The following ATRNL1 variants were observed in gnomAD, a reference collection of about 807,000 sequenced individuals.
The protein encoded by ATRNL1 is attractin-like protein 1.
Under a neutral mutation model 182.7 loss-of-function variants are expected in ATRNL1, and 95 were observed. The observed-to-expected ratio is 0.52, with a 90% CI of 0.44 to 0.62. The LOEUF is 0.62. Ranked by LOEUF, ATRNL1 falls within the 20% of genes least tolerant of loss-of-function variation. The pLI, the probability that ATRNL1 is intolerant of heterozygous loss-of-function variation, is 0.00. For synonymous variants in ATRNL1, 576 were observed against 568.3 expected (o/e 1.01, Z -0.19); for missense variants, 1,471 against 1,679.5 (o/e 0.88, Z 2.17).
At chr10:115,628,929 C>T (rs782484875) in intron 26 of ATRNL1, among the ~76,000 whole-genome samples, 2 of 152,118 alleles carry the variant, frequency 1.3e-5, no homozygotes, top group Non-Finnish European at 2.9e-5. Context: ...ATTGAATAGT[C>T]TTGGCCTTCA....
chr10:115,619,833 G>T (rs1857629500), intron 26 of ATRNL1, among the ~76,000 whole-genome samples: 1 of 152,116 alleles, frequency 6.6e-6, no homozygotes, highest in South Asian at 2.1e-4. Flanking sequence ...TATAAAAACT[G>T]GGATATTAGA....
intron 27 of ATRNL1, among the ~76,000 whole-genome samples, chr10:115,785,333 T>A (rs116232100): frequency 0.019 from 2,866 of 152,314 alleles, 103 homozygotes; most frequent in African/African-American, 0.066. Flanking sequence ...CTCATGATAT[T>A]CTATCTTGTG....
At chr10:115,446,425 A>G (rs1229755124) in intron 21 of ATRNL1, among the ~76,000 whole-genome samples, 2 of 151,706 alleles carry the variant, frequency 1.3e-5, no homozygotes, top group African/African-American at 4.8e-5. Flanking sequence ...CTTTGGTGTT[A>G]TTATCTCATC....
intron 21 of ATRNL1, among the ~76,000 whole-genome samples, chr10:115,442,312 T>C (rs703357): frequency 0.015 from 2,212 of 149,430 alleles, 62 homozygotes; most frequent in African/African-American, 0.051. Context: ...TCTGTGTGTA[T>C]GTGTGTGTGT....
intron 28 of ATRNL1, among the ~76,000 whole-genome samples, chr10:115,885,643 T>A (rs2134450929): frequency 6.6e-6 from 1 of 152,368 alleles, no homozygotes; most frequent in East Asian, 1.9e-4. Flanking sequence ...ATGTTAACTT[T>A]TTTCCGTATA....
intron 26 of ATRNL1, among the ~76,000 whole-genome samples, chr10:115,559,443 T>TGTGCGC (rs200694810): frequency 2.6e-4 from 20 of 77,860 alleles, no homozygotes; most frequent in Non-Finnish European, 4.8e-4. Flanking sequence ...TGTGTGTGTG[T>TGTGCGC]GCGCGCGCGC....
Position 115,769,649 on chromosome 10 carries a change from G to GT in ATRNL1, c.3903+42298dup, listed in dbSNP as rs140762641. 1.8e-4 allele frequency among the ~76,000 whole-genome samples: 28 copies of GT among 152,174 alleles called. 1 individual carries two copies. In the East Asian group the frequency reaches 5.4e-3, roughly 29 times the overall value. The stretch of plus-strand genomic sequence containing the variant: ...CTGACTTTGGAGTTATTCATGCCTG[G>GT]TTTTATATTCCAGATCTATCATCTG... On this transcript the variant is annotated intron_variant, in intron 27 of 28. Transcript: ENST00000355044.
chr10:115,435,763 A>G (rs1377299596), intron 21 of ATRNL1, among the ~76,000 whole-genome samples: 67 of 152,296 alleles, frequency 4.4e-4, no homozygotes, highest in East Asian at 1.9e-4. Flanking sequence ...TTTCCATCCT[A>G]ACACTTACAT....
chr10:115,434,233 A>G lies in ATRNL1; in HGVS notation c.3322+7931A>G, dbSNP rs117816079. Among the ~76,000 whole-genome samples, 455 of 152,298 alleles carry G rather than the reference A, an allele frequency of 3.0e-3. 2 individuals carry two copies. Among genetic ancestry groups the G allele is most frequent in the Middle Eastern group, 6.8e-3 (2 of 294 alleles). On this transcript the variant is annotated intron_variant, in intron 21 of 28. Coordinates refer to ENST00000355044, the MANE Select transcript of ATRNL1 (RefSeq NM_207303.4). The stretch of plus-strand genomic sequence containing the variant: ...AGCTCATTATTAGCATTTAGTAAAT[A>G]AAACATAGTTTTTCCCAAACTGGAA...
chr10:115,439,667 A>G (rs1009965718), intron 21 of ATRNL1, among the ~76,000 whole-genome samples: 1 of 151,884 alleles, frequency 6.6e-6, no homozygotes, highest in Non-Finnish European at 1.5e-5. Flanking sequence ...TGCTTAAACT[A>G]AGGATTTTCA....
intron 26 of ATRNL1, among the ~76,000 whole-genome samples, chr10:115,644,859 A>G (rs1412662940): frequency 6.6e-6 from 1 of 152,138 alleles, no homozygotes; most frequent in Non-Finnish European, 1.5e-5. Flanking sequence ...TGTATTTGTT[A>G]TACATGCTTA....
intron 19 of ATRNL1, among the ~76,000 whole-genome samples, chr10:115,371,435 G>A (rs1323738508): frequency 6.6e-6 from 1 of 152,246 alleles, no homozygotes; most frequent in Non-Finnish European, 1.5e-5. Flanking sequence ...GAGCAGAGCT[G>A]CTCAAGACCA....
chr10:115,447,277 G>T (rs1181471574), intron 21 of ATRNL1, among the ~76,000 whole-genome samples: 1 of 151,452 alleles, frequency 6.6e-6, no homozygotes, highest in Non-Finnish European at 1.5e-5. Flanking sequence ...TGCTCTATTT[G>T]CTTTGGATTT....
chr10:115,542,228 T>C (rs930526430), intron 25 of ATRNL1, among the ~76,000 whole-genome samples: 2 of 151,954 alleles, frequency 1.3e-5, no homozygotes, highest in African/African-American at 4.8e-5. Flanking sequence ...AATTTAAGAG[T>C]GACTAAAGAT....
intron 19 of ATRNL1, among the ~76,000 whole-genome samples, chr10:115,335,930 C>CAAAT: frequency 6.6e-6 from 1 of 152,064 alleles, no homozygotes; most frequent in Non-Finnish European, 1.5e-5. Flanking sequence ...TGTTGGGTGA[C>CAAAT]AAATAAAGAT....
chr10:115,631,765 T>C (rs1858528138), intron 26 of ATRNL1, among the ~76,000 whole-genome samples: 1 of 152,084 alleles, frequency 6.6e-6, no homozygotes, highest in Admixed American at 6.6e-5. Context: ...AAATCTAAGA[T>C]ACTGATACCT....
chr10:115,321,671 C>CTTTT (rs528619167), intron 18 of ATRNL1, among the ~76,000 whole-genome samples: 1 of 125,802 alleles, frequency 7.9e-6, no homozygotes, highest in Non-Finnish European at 1.6e-5. Context: ...AAGGTGAAAG[C>CTTTT]TTTTTTTTTT....
intron 8 of ATRNL1, among the ~76,000 whole-genome samples, chr10:115,194,450 C>A (rs1232123560): frequency 6.6e-6 from 1 of 151,862 alleles, no homozygotes; most frequent in Non-Finnish European, 1.5e-5. Flanking sequence ...ATAACCTTGT[C>A]TCTTTTTGCA....
intron 26 of ATRNL1, among the ~76,000 whole-genome samples, chr10:115,701,441 T>G (rs982975343): frequency 1.3e-5 from 2 of 151,720 alleles, no homozygotes; most frequent in African/African-American, 4.8e-5. Context: ...AGAAAAGAAA[T>G]AACTGAAATC....
Sources: gnomAD v4.1 joint callset for allele counts (sites outside exome capture counted in the v4.1 genomes callset) on GRCh38, gnomAD v4.1.1 for gene constraint, MANE v1.5 for transcripts, NCBI Gene and HGNC (gene_info 2026-07-23, HGNC 2026-07-21) for gene names.